Variants in FAM161B observed in about 807,000 individuals in gnomAD.
The protein encoded by FAM161B is FAM161 centrosomal protein B.
A neutral mutation model predicts 61.5 loss-of-function variants in FAM161B; 46 were observed. That is an observed-to-expected ratio of 0.75 (90% CI 0.59 to 0.96). The LOEUF is 0.96. Among genes scored for constraint, FAM161B ranks in the 40% least tolerant of loss-of-function variants. The pLI is 0.00. For synonymous variants in FAM161B, 284 were observed against 302.7 expected (o/e 0.94, Z 0.64); for missense variants, 774 against 800.7 (o/e 0.97, Z 0.40).
At chr14:73,924,557 G>A in the FAM161B span, 2 of 359,890 alleles carry the variant, frequency 5.6e-6, no homozygotes, top group Non-Finnish European at 1.1e-5. Context: ...TGTCATGGGA[G>A]TGGATGACTT....
At chr14:73,931,694 A>G (rs2055918659), downstream of FAM161B, 4 of 683,562 alleles carry the variant, frequency 5.9e-6, no homozygotes, top group Admixed American at 2.8e-5. Context: ...GGTATAGAAG[A>G]TGGATGTAGG....
At position 73,932,787 on chromosome 14, in the gene FAM161B, C is replaced by A; in HGVS notation, c.*1469G>T. 1 of 215,772 alleles carries A rather than the reference C, an allele frequency of 4.6e-6. No homozygotes were observed. Among genetic ancestry groups the A allele is most frequent in the Non-Finnish European group, 9.4e-6 (1 of 106,712 alleles). 13.4% of individuals were successfully genotyped at this position (215,772 alleles called of 1,614,324 possible). The stretch of plus-strand genomic sequence containing the variant: ...CTATAGGCATGTACCACCAGTCCAG[C>A]TAACTTTTTGTGGTTTTTTTGGTAG... On this transcript the variant is annotated 3_prime_UTR_variant, in exon 9 of 9. Transcript: ENST00000286544.
downstream of FAM161B, chr14:73,931,755 C>G (rs146944181): frequency 2.0e-5 from 11 of 562,784 alleles, 1 homozygote; most frequent in African/African-American, 2.1e-4. Flanking sequence ...GAAGCAATGA[C>G]TGTGGGCTGG....
At chr14:73,929,738 G>T (rs1156807048), downstream of FAM161B, among the ~76,000 whole-genome samples, 1 of 151,800 alleles carries the variant, frequency 6.6e-6, no homozygotes, top group Non-Finnish European at 1.5e-5. Context: ...GATCACTTGG[G>T]CCCAGGAAGT....
chr14:73,944,220 G>C, intron 3 of FAM161B, 115 bp downstream of exon 3: 1 of 1,484,204 alleles, frequency 6.7e-7, no homozygotes, highest in East Asian at 2.3e-5. Flanking sequence ...CCTCTAGTGG[G>C]TCCACCCAAG....
downstream of FAM161B, chr14:73,931,379 A>G: frequency 1.3e-6 from 1 of 762,526 alleles, no homozygotes. Context: ...CTTTGGAAGT[A>G]GATAGCCTTC....
chr14:73,924,470 G>A, the FAM161B span, among the ~76,000 whole-genome samples: 1 of 152,188 alleles, frequency 6.6e-6, no homozygotes, highest in Admixed American at 6.5e-5. Context: ...TTTCAACTCT[G>A]TAGTTTGGCT....
At chr14:73,947,385 CAA>C (rs35497668) in intron 1 of FAM161B, among the ~76,000 whole-genome samples, 7 of 97,076 alleles carry the variant, frequency 7.2e-5, no homozygotes, top group Admixed American at 1.2e-4. Context: ...TGCTCCGTCT[CAA>C]AAAAAAAAAA....
In FAM161B at chr14:73,932,412, C is replaced by G. The variant is rs764759933; in HGVS notation, c.*1844G>C. 1.1e-5 allele frequency: 5 copies of G among 451,088 alleles called. No individual in the cohort carries two copies. Among genetic ancestry groups the G allele is most frequent in the Non-Finnish European group, 1.8e-5 (4 of 225,774 alleles). The allele number at this position is 451,088 out of a possible 1,614,324, so 27.9% of individuals were successfully genotyped here. A position where few individuals can be genotyped will look rare whatever the true frequency, so the allele number is the denominator to read the frequency against. ...AACTGAACCGAGGAGTCTTAGGAAA[C>G]AACAAGAACATCTTCATTTCTTAAG... On this transcript the variant is annotated 3_prime_UTR_variant, in exon 9 of 9. Transcript: ENST00000286544.
chr14:73,923,340 A>G, the FAM161B span: 1 of 1,583,634 alleles, frequency 6.3e-7, no homozygotes, highest in Non-Finnish European at 8.6e-7. Flanking sequence ...AATGATCCAG[A>G]TAGGTGTATC....
In FAM161B at chr14:73,946,460, A is replaced by T. The variant is rs896724084; in HGVS notation, c.200T>A (p.Ile67Asn). 1.9e-6 allele frequency: 3 copies of T among 1,614,132 alleles called. No individual in the cohort carries two copies. Among genetic ancestry groups the T allele is most frequent in the Non-Finnish European group, 2.5e-6 (3 of 1,180,022 alleles). ...CTTCAGTTCCTGTAAGTTCTGGTAA[A>T]TGCTCCCAGTTGAGTCAGAAGTAGA... ...IDSTSDSTGSIYQNLQELKQK... is the reference protein window; with the variant it reads ...IDSTSDSTGSNYQNLQELKQK... The change falls in exon 2 of 9, where the codon ATT (isoleucine) becomes AAT (asparagine). Residue 67 changes from isoleucine to asparagine, a missense_variant. By Grantham distance (149) the Ile-to-Asn change is moderately radical. Coordinates refer to ENST00000286544, the MANE Select transcript of FAM161B (RefSeq NM_152445.3).
intron 2 of FAM161B, 53 bp from the exon 3 acceptor site, chr14:73,944,938 C>G: frequency 2.1e-6 from 3 of 1,421,414 alleles, no homozygotes; most frequent in Non-Finnish European, 2.8e-6. Context: ...GGAGGCCCTG[C>G]TCCCTCCAGA....
chr14:73,947,334 G>A (rs2056075470), intron 1 of FAM161B, among the ~76,000 whole-genome samples: 1 of 143,274 alleles, frequency 7.0e-6, no homozygotes, highest in Admixed American at 7.5e-5. Flanking sequence ...GCAGTGAGAT[G>A]AGATTGCGCC....
downstream of FAM161B, among the ~76,000 whole-genome samples, chr14:73,928,381 G>A (rs1566668776): frequency 6.6e-6 from 1 of 152,096 alleles, no homozygotes. Flanking sequence ...GAAGAGATGG[G>A]CTGGAGAGGA....
chr14:73,925,790 C>T, the FAM161B span, among the ~76,000 whole-genome samples: 130 of 152,162 alleles, frequency 8.5e-4, 2 homozygotes, highest in East Asian at 0.018. Context: ...CCAGCACTTT[C>T]GGAGGTGGAG....
rs1174624372 is a variant in FAM161B, at chr14:73,932,653, C to G, written c.*1603G>C. The G allele has an allele frequency of 2.7e-6, 1 of 366,828 alleles. No homozygotes were observed. Among genetic ancestry groups the G allele is most frequent in the Non-Finnish European group, 5.3e-6 (1 of 189,572 alleles). 22.7% of individuals were successfully genotyped at this position (366,828 alleles called of 1,614,324 possible). On this transcript the variant is annotated 3_prime_UTR_variant, in exon 9 of 9. Coordinates refer to ENST00000286544, the MANE Select transcript of FAM161B (RefSeq NM_152445.3). ...TCATCATTATGATTTGAGATGGGGT[C>G]TTGCTCTGTCACCCAGGCTGGAGTG...
chr14:73,940,435 TG>T (rs1333060320), intron 5 of FAM161B, among the ~76,000 whole-genome samples: 3 of 152,198 alleles, frequency 2.0e-5, no homozygotes, highest in Non-Finnish European at 2.9e-5. Flanking sequence ...CTCTCACCCA[TG>T]GGCTTTTATC....
downstream of FAM161B, chr14:73,931,480 G>C: frequency 6.2e-7 from 1 of 1,603,332 alleles, no homozygotes; most frequent in Non-Finnish European, 8.5e-7. Flanking sequence ...ACCTATTCTA[G>C]ATTTGCTTTC....
chr14:73,923,563 G>T, the FAM161B span: 3 of 1,588,020 alleles, frequency 1.9e-6, no homozygotes, highest in Admixed American at 3.5e-5. Context: ...GACAATTCAT[G>T]TGGGGAATGA....
Sources: gnomAD v4.1 joint callset for allele counts (sites outside exome capture counted in the v4.1 genomes callset) on GRCh38, gnomAD v4.1.1 for gene constraint, MANE v1.5 for transcripts, NCBI Gene and HGNC (gene_info 2026-07-23, HGNC 2026-07-21) for gene names.